Variants in SPNS3 observed in about 807,000 individuals in gnomAD.
The protein encoded by SPNS3 is protein spinster homolog 3.
Under a neutral mutation model 54.4 loss-of-function variants are expected in SPNS3, and 51 were observed. The observed-to-expected ratio is 0.94, with a 90% confidence interval of 0.75 to 1.18. The LOEUF (loss-of-function observed/expected upper bound fraction) is 1.18, where lower values mean the gene tolerates loss of function less well. SPNS3 is among the 50% of genes most tolerant of loss of function. SPNS3 has a pLI of 0.00. For missense variants in SPNS3, 669 were observed against 677.4 expected (o/e 0.99, Z 0.14); for synonymous variants, 309 against 294.7 (o/e 1.05, Z -0.50).
intron 2 of SPNS3, among the ~76,000 whole-genome samples, chr17:4,443,078 T>G (rs1437174213): frequency 1.5e-5 from 1 of 64,700 alleles, no homozygotes; most frequent in Non-Finnish European, 3.4e-5. Flanking sequence ...TTGCTTTTTG[T>G]TTTTTTTTTT....
chr17:4,486,233 G>C lies in SPNS3; in HGVS notation c.1185G>C (p.Val395=), dbSNP rs771717743. The change falls in exon 10 of 12, where the codon GTG becomes GTC. Residue 395 remains valine (V), a synonymous_variant. Transcript: ENST00000355530. The surrounding 1 kb of genome is among the most constrained non-coding windows in gnomAD (Gnocchi z 5.5). ...WAVVADILLS[V]VVPRCRGTAE... ...GCTGTGCCTATGTTTTGCAGTCTGT[G>C]GTGGTGCCCAGATGCCGGGGGACGG... is the stretch of plus-strand genomic sequence containing the variant. The C allele has an allele frequency of 4.5e-6, 7 of 1,556,410 alleles. No homozygotes were observed. The East Asian group carries it at 1.4e-4, about 30-fold the overall frequency.
rs373836833 is a variant in SPNS3, at chr17:4,441,983, AGTGTGTGTGT to A, written c.265+2285_265+2294del. On this transcript the variant is annotated intron_variant, in intron 2 of 11. Coordinates refer to ENST00000355530, the MANE Select transcript of SPNS3 (RefSeq NM_182538.5). ...ACAAGTCCTGGGCCACGGAGGGAGA[AGTGTGTGTGT>A]GTGTGTGTGTGTGTGTGTGTGTGTT... is the stretch of plus-strand genomic sequence containing the variant. Among the ~76,000 whole-genome samples, 141 of 139,106 alleles carry A rather than the reference AGTGTGTGTGT, an allele frequency of 1.0e-3. 1 individual carries two copies. The highest frequency in any genetic ancestry group is 3.6e-3 in the African/African-American group (131 of 36,830). The allele number at this position is 139,106 out of a possible 152,430, so 91.3% of individuals were successfully genotyped here. A position where few individuals can be genotyped will look rare whatever the true frequency, so the allele number is the denominator to read the frequency against.
intron 2 of SPNS3, 64 bp downstream of exon 2, chr17:4,439,787 TG>T: frequency 6.8e-7 from 1 of 1,471,512 alleles, no homozygotes; most frequent in South Asian, 1.2e-5. Flanking sequence ...GCTCTTTCTG[TG>T]GGTCATGTTC....
intron 8 of SPNS3, among the ~76,000 whole-genome samples, chr17:4,461,507 C>T (rs1971506709): frequency 6.6e-6 from 1 of 151,134 alleles, no homozygotes; most frequent in South Asian, 2.1e-4. Flanking sequence ...CTGGCTTGTG[C>T]TGAGTAGAAT....
chr17:4,446,972 G>A lies in SPNS3; in HGVS notation c.621+10G>A, dbSNP rs927057170. The A allele has an allele frequency of 4.3e-6, 7 of 1,613,908 alleles. No individual in the cohort carries two copies. In the African/African-American group the frequency reaches 5.3e-5, roughly 12 times the overall value. On this transcript the variant is annotated intron_variant, in intron 5 of 11. Coordinates refer to ENST00000355530, the MANE Select transcript of SPNS3 (RefSeq NM_182538.5). ...GCGCTGGGCCCTCCGAGTGAGTCCA[G>A]CTTCCTTTTCTTCCCTCTGCTTTCC...
At chr17:4,459,118 C>T (rs1971425124) in intron 8 of SPNS3, among the ~76,000 whole-genome samples, 2 of 152,120 alleles carry the variant, frequency 1.3e-5, no homozygotes, top group African/African-American at 4.8e-5. Flanking sequence ...TGGATTCCTC[C>T]CTGGTTGCTG....
rs551759638 is a variant in SPNS3, at chr17:4,461,628, G to C, written c.1113+8423G>C. Among the ~76,000 whole-genome samples, 3 of 152,142 alleles carry C rather than the reference G, an allele frequency of 2.0e-5. No homozygotes were observed. In the South Asian group the frequency reaches 6.2e-4, roughly 32 times the overall value. On this transcript the variant is annotated intron_variant, in intron 8 of 11. Transcript: ENST00000355530. ...AGATGATGCGGTTTGAACCAGAGTG[G>C]CAACAATGGCGATTGTGAGAGGCAG...
chr17:4,486,566 C>A lies in SPNS3; in HGVS notation c.1433C>A (p.Ala478Asp), dbSNP rs1015181296. Residue 478 changes from alanine to aspartate, a missense_variant, in exon 11 of 12, where the codon GCC becomes GAC. Transcript: ENST00000355530. This position sits in a 1 kb window ranked among gnomAD's most constrained non-coding sequence, Gnocchi z 5.5. Reference protein sequence around the residue: ...ALYLERDETRAWQPVTGTPDS... With the variant: ...ALYLERDETRDWQPVTGTPDS... ...TACCTGGAGAGAGACGAGACCCGGG[C>A]CTGGCAGCCTGTCACAGGTACCCTA... 14 of 1,612,090 alleles carry A rather than the reference C, an allele frequency of 8.7e-6. No individual in the cohort carries two copies. Among genetic ancestry groups the A allele is most frequent in the Middle Eastern group, 1.7e-4 (1 of 6,052 alleles).
chr17:4,464,231 G>T (rs929213445), intron 8 of SPNS3, among the ~76,000 whole-genome samples: 7 of 152,234 alleles, frequency 4.6e-5, no homozygotes, highest in African/African-American at 1.7e-4. Context: ...CTTGGCAAGG[G>T]AAGTGGACTT....
chr17:4,458,944 T>G (rs1252593665), intron 8 of SPNS3, among the ~76,000 whole-genome samples: 1 of 152,038 alleles, frequency 6.6e-6, no homozygotes, highest in Non-Finnish European at 1.5e-5. Flanking sequence ...ACTTCTCCAA[T>G]AACCTTAGGA....
At position 4,434,118 on chromosome 17, in the gene SPNS3, C is replaced by T. The variant is rs200705416; in HGVS notation, c.151C>T (p.Leu51Phe). 6 of 1,612,218 alleles carry T rather than the reference C, an allele frequency of 3.7e-6. No individual in the cohort carries two copies. Among genetic ancestry groups the T allele is most frequent in the Middle Eastern group, 3.3e-4 (2 of 6,068 alleles). ...GAGGGCCTACGTGGCTGCCGCCGTC[C>T]TCTGCTACATCAACCTCCTGAATTA... ...PWRAYVAAAV[L>F]CYINLLNYMN... Residue 51 changes from leucine (L) to phenylalanine (F), a missense_variant, in exon 1 of 12, where the codon CTC becomes TTC. Transcript: ENST00000355530.
Position 4,487,882 on chromosome 17 carries a change from A to G in SPNS3, c.1527A>G (p.Thr509=), listed in dbSNP as rs774738073. ...QGLLSGAGAS[T]EEP The stretch of plus-strand genomic sequence containing the variant: ...TACTTTCGGGCGCTGGCGCCTCTAC[A>G]GAGGAGCCCTGAGGTCCCTGCCTAC... The change falls in exon 12 of 12, where the codon ACA becomes ACG. Residue 509 remains threonine, a synonymous_variant. Coordinates refer to ENST00000355530, the MANE Select transcript of SPNS3 (RefSeq NM_182538.5). The G allele has an allele frequency of 6.2e-7, 1 of 1,614,008 alleles. No homozygotes were observed. Among genetic ancestry groups the G allele is most frequent in the Admixed American group, 1.7e-5 (1 of 60,038 alleles).
At chr17:4,460,367 C>T (rs937321899) in intron 8 of SPNS3, among the ~76,000 whole-genome samples, 1 of 151,506 alleles carries the variant, frequency 6.6e-6, no homozygotes, top group African/African-American at 2.4e-5. Context: ...TTTAACCAAC[C>T]TTGCATTCCT....
intron 5 of SPNS3, among the ~76,000 whole-genome samples, chr17:4,447,188 G>C (rs990953448): frequency 2.0e-5 from 3 of 152,198 alleles, no homozygotes; most frequent in Non-Finnish European, 4.4e-5. Flanking sequence ...TACCAGCTGT[G>C]TGATCTCAAG....
Position 4,488,169 on chromosome 17 carries a change from G to C in SPNS3, c.*275G>C, listed in dbSNP as rs1241193209. 2.0e-6 allele frequency: 1 copy of C among 506,180 alleles called. No homozygotes were observed. Among genetic ancestry groups the C allele is most frequent in the African/African-American group, 1.9e-5 (1 of 51,898 alleles). The allele number at this position is 506,180 out of a possible 1,614,324, so 31.4% of individuals were successfully genotyped here. ...GCTGCTGCTGGGCCCTGAATAAAGA[G>C]AGGCCAGTACAAAGCCCATGGATTT... On this transcript the variant is annotated 3_prime_UTR_variant, in exon 12 of 12. Coordinates refer to ENST00000355530, the MANE Select transcript of SPNS3 (RefSeq NM_182538.5).
At position 4,488,198 on chromosome 17, in the gene SPNS3, G is replaced by A. The variant is rs1173304829; in HGVS notation, c.*304G>A. The A allele has an allele frequency of 2.5e-6, 1 of 394,000 alleles. No individual in the cohort carries two copies. Among genetic ancestry groups the A allele is most frequent in the Non-Finnish European group, 4.7e-6 (1 of 213,216 alleles). 24.4% of individuals were successfully genotyped at this position (394,000 alleles called of 1,614,324 possible). ...CCAGTACAAAGCCCATGGATTTTGGGCCTGTAGACAGCCGTGTTATTTATA... is the reference window on the plus strand; with the variant it reads ...CCAGTACAAAGCCCATGGATTTTGGACCTGTAGACAGCCGTGTTATTTATA... On this transcript the variant is annotated 3_prime_UTR_variant, in exon 12 of 12. Transcript: ENST00000355530.
intron 8 of SPNS3, among the ~76,000 whole-genome samples, chr17:4,473,923 C>T (rs898141630): frequency 3.3e-5 from 5 of 152,132 alleles, no homozygotes; most frequent in Admixed American, 6.5e-5. Context: ...CTCTGGGAAG[C>T]GTTCCTACCA....
rs199530389 is a variant in SPNS3 at position 4,445,787 on chromosome 17, T to C, written c.403-261T>C. ...GGGTGGGGCTGGGGGTAACAGCTGC[T>C]GTCTTGGGGAACTGGCCTGGTTAGC... On this transcript the variant is annotated intron_variant, in intron 3 of 11. Transcript: ENST00000355530. 2.0e-5 allele frequency among the ~76,000 whole-genome samples: 3 copies of C among 152,110 alleles called. No homozygotes were observed. In the East Asian group the frequency reaches 5.8e-4, roughly 29 times the overall value.
At chr17:4,436,507 CT>C (rs1415214661) in intron 1 of SPNS3, among the ~76,000 whole-genome samples, 2 of 152,072 alleles carry the variant, frequency 1.3e-5, no homozygotes, top group African/African-American at 4.8e-5. Context: ...TTGCTTGAGG[CT>C]GAAGCAGGAG....
Sources: gnomAD v4.1 joint callset for allele counts (sites outside exome capture counted in the v4.1 genomes callset) on GRCh38, gnomAD v4.1.1 for gene constraint, Gnocchi (gnomAD v3.1) non-coding constraint, MANE v1.5 for transcripts, NCBI Gene and HGNC (gene_info 2026-07-23, HGNC 2026-07-21) for gene names.